The following GALNT1 variants were observed in gnomAD, a reference collection of about 807,000 sequenced individuals.
GALNT1 encodes the protein polypeptide N-acetylgalactosaminyltransferase 1.
A neutral mutation model predicts 65.7 loss-of-function variants in GALNT1; 17 were observed. That is an observed-to-expected ratio of 0.26 (90% CI 0.18 to 0.39). The LOEUF (loss-of-function observed/expected upper bound fraction) is 0.39. Among genes scored for constraint, GALNT1 ranks in the 10% least tolerant of loss-of-function variants. GALNT1 has a pLI of 1.00. For missense variants in GALNT1, 460 were observed against 672.8 expected (o/e 0.68, Z 3.50); for synonymous variants, 210 against 219.7 (o/e 0.96, Z 0.39).
chr18:35,704,695 A>C (rs984706226), intron 11 of GALNT1, among the ~76,000 whole-genome samples: 2 of 151,036 alleles, frequency 1.3e-5, no homozygotes, highest in African/African-American at 4.9e-5. Flanking sequence ...CCCAGGCTGG[A>C]GTGCAGTGGT....
At chr18:35,633,626 T>A (rs1234282756) in intron 1 of GALNT1, among the ~76,000 whole-genome samples, 2 of 152,056 alleles carry the variant, frequency 1.3e-5, no homozygotes, top group African/African-American at 4.8e-5. Context: ...CACACCAACA[T>A]GGCATGTGTA....
At chr18:35,587,689 T>C (rs1446017672) in intron 1 of GALNT1, among the ~76,000 whole-genome samples, 1 of 152,252 alleles carries the variant, frequency 6.6e-6, no homozygotes, top group Non-Finnish European at 1.5e-5. Context: ...ATCCATGGCA[T>C]GAAACTTGGT....
intron 10 of GALNT1, 93 bp from the exon 11 acceptor site, chr18:35,703,416 G>T: frequency 8.4e-7 from 1 of 1,187,424 alleles, no homozygotes; most frequent in Non-Finnish European, 1.2e-6. Flanking sequence ...CATGTACCTT[G>T]AAATACTTGT....
chr18:35,702,036 G>T (rs11664445), intron 9 of GALNT1, among the ~76,000 whole-genome samples: 16,528 of 152,128 alleles, frequency 0.11, 968 homozygotes, highest in Admixed American at 0.18. Context: ...TAGGTAACTT[G>T]TATTTAAACC....
intron 1 of GALNT1, among the ~76,000 whole-genome samples, chr18:35,645,183 C>CT (rs1172719595): frequency 7.0e-6 from 1 of 143,010 alleles, no homozygotes; most frequent in East Asian, 2.0e-4. Context: ...TTCTTCACCT[C>CT]TTGCACCTGT....
intron 1 of GALNT1, among the ~76,000 whole-genome samples, chr18:35,582,711 C>G (rs1471411427): frequency 6.6e-6 from 1 of 152,174 alleles, no homozygotes; most frequent in African/African-American, 2.4e-5. Flanking sequence ...GTCAAGAACG[C>G]TGAGAGTTAG....
chr18:35,704,631 T>G lies in GALNT1; in HGVS notation c.1533+988T>G, dbSNP rs192141817. 3.1e-4 allele frequency among the ~76,000 whole-genome samples: 47 copies of G among 151,372 alleles called. 1 individual carries two copies. The highest frequency in any genetic ancestry group is 1.6e-3 in the Admixed American group (25 of 15,246). On this transcript the variant is annotated intron_variant, in intron 11 of 11. Transcript: ENST00000269195. ...CCTGATATTTTCTAATTTATTTTTT[T>G]TTATTTTTTATTTTATTTATTTATT...
intron 5 of GALNT1, among the ~76,000 whole-genome samples, chr18:35,685,078 C>T (rs1412752170): frequency 2.0e-5 from 3 of 152,048 alleles, no homozygotes; most frequent in Admixed American, 6.6e-5. Context: ...AAAGAGGAAA[C>T]GAACCAAACT....
chr18:35,671,015 C>A (rs2047627082), intron 3 of GALNT1, among the ~76,000 whole-genome samples: 1 of 152,112 alleles, frequency 6.6e-6, no homozygotes, highest in South Asian at 2.1e-4. Flanking sequence ...ACCAGCAAAG[C>A]CCTAAAAGAT....
At chr18:35,586,635 G>T (rs959932796) in intron 1 of GALNT1, among the ~76,000 whole-genome samples, 11 of 152,046 alleles carry the variant, frequency 7.2e-5, no homozygotes, top group Admixed American at 6.6e-4. Context: ...GTGTTTATGC[G>T]TGTGTCTATG....
intron 1 of GALNT1, among the ~76,000 whole-genome samples, chr18:35,595,378 A>T (rs1178812072): frequency 6.6e-6 from 1 of 152,174 alleles, no homozygotes; most frequent in Non-Finnish European, 1.5e-5. Context: ...ACAGTGGCTG[A>T]TCCAATCATA....
chr18:35,647,611 C>T (rs191057860), intron 1 of GALNT1, among the ~76,000 whole-genome samples: 7 of 152,114 alleles, frequency 4.6e-5, no homozygotes, highest in Admixed American at 2.6e-4. Context: ...ATAGATTTGT[C>T]GAAGGTTCTC....
At chr18:35,700,075 C>G (rs899254133) in intron 9 of GALNT1, among the ~76,000 whole-genome samples, 1 of 152,166 alleles carries the variant, frequency 6.6e-6, no homozygotes, top group African/African-American at 2.4e-5. Flanking sequence ...ACAAAACTTA[C>G]CCCATAGTCA....
rs571658806 is a variant in GALNT1 at position 35,687,936 on chromosome 18, G to C, written c.860+750G>C. On this transcript the variant is annotated intron_variant, in intron 6 of 11. Transcript: ENST00000269195. ...CTGCCTTCCCTTGAATTCAAGTTCA[G>C]TTCTGGCAACACTGAAGAGATTTTC... Among the ~76,000 whole-genome samples, 23 of 152,276 alleles carry C rather than the reference G, an allele frequency of 1.5e-4. No homozygotes were observed. The South Asian group carries it at 4.4e-3, about 29-fold the overall frequency.
intron 2 of GALNT1, among the ~76,000 whole-genome samples, chr18:35,655,940 A>C (rs553146347): frequency 2.0e-5 from 3 of 152,296 alleles, no homozygotes; most frequent in East Asian, 3.9e-4. Context: ...CAAATGTTTT[A>C]ATACATTTTT....
chr18:35,589,766 G>A (rs925602532), intron 1 of GALNT1, among the ~76,000 whole-genome samples: 1 of 152,140 alleles, frequency 6.6e-6, no homozygotes, highest in Non-Finnish European at 1.5e-5. Flanking sequence ...TATCCCCGAA[G>A]GATCAGTTTG....
chr18:35,631,306 A>G (rs2047005289), intron 1 of GALNT1, among the ~76,000 whole-genome samples: 1 of 152,230 alleles, frequency 6.6e-6, no homozygotes, highest in Non-Finnish European at 1.5e-5. Context: ...AAAAATCCTC[A>G]ATAAAATACT....
intron 1 of GALNT1, among the ~76,000 whole-genome samples, chr18:35,606,821 T>TTGTGTGTGTGTGTGTG (rs10526510): frequency 7.4e-6 from 1 of 135,592 alleles, no homozygotes; most frequent in African/African-American, 2.8e-5. Flanking sequence ...TGTTGATGTT[T>TTGTGTGTGTGTGTGTG]TGTGTGTGTG....
intron 1 of GALNT1, among the ~76,000 whole-genome samples, chr18:35,589,273 T>C (rs1369313229): frequency 1.3e-5 from 2 of 152,200 alleles, no homozygotes; most frequent in African/African-American, 2.4e-5. Flanking sequence ...AAGCTTGGGC[T>C]CCCTACTTGG....
Sources: gnomAD v4.1 joint callset for allele counts (sites outside exome capture counted in the v4.1 genomes callset) on GRCh38, gnomAD v4.1.1 for gene constraint, MANE v1.5 for transcripts, NCBI Gene and HGNC (gene_info 2026-07-23, HGNC 2026-07-21) for gene names.